TMEM130: variants seen among roughly 807,000 people sequenced by gnomAD.
TMEM130 encodes the protein transmembrane protein 130.
Under a neutral mutation model 42.9 loss-of-function variants are expected in TMEM130, and 37 were observed. The observed-to-expected ratio is 0.86, with a 90% CI of 0.66 to 1.13. The LOEUF (loss-of-function observed/expected upper bound fraction) is 1.13, where lower values mean the gene tolerates loss of function less well. TMEM130 is among the 50% of genes most tolerant of loss of function. TMEM130 has a pLI of 0.00. For synonymous variants in TMEM130, 259 were observed against 237.7 expected (o/e 1.09, Z -0.82); for missense variants, 545 against 562.6 (o/e 0.97, Z 0.32).
intron 1 of TMEM130, among the ~76,000 whole-genome samples, chr7:98,864,617 G>A (rs1408181996): frequency 1.4e-4 from 21 of 152,018 alleles, no homozygotes; most frequent in African/African-American, 4.6e-4. Flanking sequence ...TCCAGCTGTT[G>A]GCCAGGCATC....
intron 6 of TMEM130, among the ~76,000 whole-genome samples, chr7:98,849,904 G>A (rs1794447607): frequency 6.6e-6 from 1 of 151,872 alleles, no homozygotes; most frequent in Admixed American, 6.6e-5. Context: ...CTTCTCTGGG[G>A]CTCCCAGAGT....
chr7:98,867,288 C>T (rs1794931293), intron 1 of TMEM130, among the ~76,000 whole-genome samples: 1 of 152,090 alleles, frequency 6.6e-6, no homozygotes, highest in African/African-American at 2.4e-5. Context: ...CTGAAGCCCG[C>T]ATGGGTCACT....
At position 98,863,193 on chromosome 7, in the gene TMEM130, T is replaced by C. The variant is rs1554400104; in HGVS notation, c.293A>G (p.His98Arg). The change falls in exon 2 of 8, where the codon CAC becomes CGC. Residue 98 changes from histidine (H) to arginine (R), a missense_variant. Physicochemically the swap from His to Arg is conservative, Grantham distance 29 (BLOSUM62 0). Transcript: ENST00000339375. ...GLSSTIRVVG[H>R]VPGEFPVSVW... ...AGAGACCGGGAATTCCCCGGGCACG[T>C]GGCCGACCACACGGATGGTGGAGCT... 6 of 1,614,136 alleles carry C rather than the reference T, an allele frequency of 3.7e-6. No homozygotes were observed. The highest frequency in any genetic ancestry group is 4.2e-6 in the Non-Finnish European group (5 of 1,180,034).
chr7:98,867,323 A>G (rs1794931565), intron 1 of TMEM130, among the ~76,000 whole-genome samples: 1 of 152,028 alleles, frequency 6.6e-6, no homozygotes, highest in Non-Finnish European at 1.5e-5. Flanking sequence ...CCACCCAACC[A>G]GTCTGTACTA....
chr7:98,866,995 G>C (rs1237097399), intron 1 of TMEM130: 4 of 152,132 alleles, frequency 2.6e-5, no homozygotes, highest in Non-Finnish European at 5.9e-5. Flanking sequence ...TACTTGGAAG[G>C]CTGAGGCAGG....
chr7:98,850,531 G>A (rs1794475469), intron 6 of TMEM130, among the ~76,000 whole-genome samples: 2 of 151,110 alleles, frequency 1.3e-5, no homozygotes, highest in South Asian at 2.1e-4. Context: ...CACCCACCTC[G>A]GCCTCTCAAA....
chr7:98,861,494 C>G (rs931654511), intron 2 of TMEM130, among the ~76,000 whole-genome samples: 4 of 152,138 alleles, frequency 2.6e-5, no homozygotes, highest in Non-Finnish European at 5.9e-5. Context: ...GTGGGCAGAT[C>G]ACTTGAGGCC....
chr7:98,853,108 G>T (rs977378291), intron 5 of TMEM130, among the ~76,000 whole-genome samples: 105 of 152,130 alleles, frequency 6.9e-4, no homozygotes, highest in African/African-American at 2.4e-3. Context: ...ACAACACTAG[G>T]TCCGCAGGAA....
intron 2 of TMEM130, among the ~76,000 whole-genome samples, chr7:98,861,375 C>G (rs1794767646): frequency 6.6e-6 from 1 of 151,874 alleles, no homozygotes; most frequent in South Asian, 2.1e-4. Flanking sequence ...CCACTGATCA[C>G]AGCTTCACAC....
At chr7:98,857,930 C>T (rs62471982) in intron 3 of TMEM130, among the ~76,000 whole-genome samples, 107,242 of 151,442 alleles carry the variant, frequency 0.71, 42,541 homozygotes, top group South Asian at 0.88. Context: ...TTAGTACAGA[C>T]GGGGTTTTGC....
At chr7:98,850,273 A>ATATATATTTTT in intron 6 of TMEM130, among the ~76,000 whole-genome samples, 11 of 35,436 alleles carry the variant, frequency 3.1e-4, no homozygotes, top group Admixed American at 8.6e-4. Context: ...ATATATATAT[A>ATATATATTTTT]TTTTTTTTTT....
At chr7:98,850,273 A>ATATATATATATTT in intron 6 of TMEM130, among the ~76,000 whole-genome samples, 6 of 35,394 alleles carry the variant, frequency 1.7e-4, no homozygotes, top group Non-Finnish European at 3.2e-4. Context: ...ATATATATAT[A>ATATATATATATTT]TTTTTTTTTT....
intron 2 of TMEM130, 98 bp from the exon 3 acceptor site, chr7:98,860,436 C>T: frequency 8.1e-7 from 1 of 1,233,610 alleles, no homozygotes; most frequent in Non-Finnish European, 1.1e-6. Flanking sequence ...CCACCACTTC[C>T]CTGCCCGGAC....
rs782536818 is a variant in TMEM130 at position 98,863,313 on chromosome 7, T to C, written c.173A>G (p.Asn58Ser). 6.8e-6 allele frequency: 11 copies of C among 1,612,782 alleles called. No individual in the cohort carries two copies. The Admixed American group carries it at 1.5e-4, about 22-fold the overall frequency. Reference protein sequence around the residue: ...TISASLVAKDNGSLALPADAH... With the variant: ...TISASLVAKDSGSLALPADAH... ...GTCAGCGGGCAGGGCCAGGCTGCCG[T>C]TGTCCTTGGCCACCAGGCTGGCCGA... Residue 58 changes from asparagine to serine, a missense_variant, in exon 2 of 8, where the codon AAC (asparagine) becomes AGC (serine). Transcript: ENST00000339375.
rs370506746 is a variant in TMEM130, at chr7:98,863,877, CCT to C, written c.86-479_86-478del. On this transcript the variant is annotated intron_variant, in intron 1 of 7. Transcript: ENST00000339375. ...TTCCTTCTTTCTTTCTTCCTTTCTT[CCT>C]CTCTCTCTCTCTCTCACTCTCTCTC... 1.7e-3 allele frequency among the ~76,000 whole-genome samples: 242 copies of C among 142,938 alleles called. 1 individual carries two copies. The highest frequency in any genetic ancestry group is 5.0e-3 in the African/African-American group (193 of 38,736). 93.8% of individuals were successfully genotyped at this position (142,938 alleles called of 152,430 possible). A position where few individuals can be genotyped will look rare whatever the true frequency, so the allele number is the denominator to read the frequency against.
intron 6 of TMEM130, among the ~76,000 whole-genome samples, chr7:98,850,250 C>T (rs1794457293): frequency 1.6e-5 from 1 of 64,336 alleles, no homozygotes; most frequent in Non-Finnish European, 3.4e-5. Context: ...CTGTCTCTCT[C>T]ATATATATAT....
intron 6 of TMEM130, 21 bp from the exon 7 acceptor site, chr7:98,848,716 A>G: frequency 6.7e-7 from 1 of 1,501,054 alleles, no homozygotes; most frequent in Non-Finnish European, 9.3e-7. Flanking sequence ...AAGAAGTAAC[A>G]TTACAGGACT....
rs906713418 is a variant in TMEM130, at chr7:98,847,825, G to A, written c.*231C>T. 4.1e-5 allele frequency: 17 copies of A among 412,614 alleles called. No individual in the cohort carries two copies. Among genetic ancestry groups the A allele is most frequent in the African/African-American group, 8.1e-5 (4 of 49,220 alleles). The allele number at this position is 412,614 out of a possible 1,614,324, so 25.6% of individuals were successfully genotyped here. Reference sequence around the variant, plus strand: ...GTAGGGGGTCAAGGGGGTGGTAACCGAGTGGGGCTTATGTCAGTGGCTGGA... The same window carrying A: ...GTAGGGGGTCAAGGGGGTGGTAACCAAGTGGGGCTTATGTCAGTGGCTGGA... On this transcript the variant is annotated 3_prime_UTR_variant, in exon 8 of 8. Transcript: ENST00000339375.
chr7:98,863,330 G>T lies in TMEM130; in HGVS notation c.156C>A (p.Ser52Arg). ...TTGAVVTISASLVAKDNGSLA... is the reference protein window; with the variant it reads ...TTGAVVTISARLVAKDNGSLA... ...GGCTGCCGTTGTCCTTGGCCACCAG[G>T]CTGGCCGAGATGGTCACCACCGCTC... Residue 52 changes from serine to arginine, a missense_variant, in exon 2 of 8, where the codon AGC (serine) becomes AGA (arginine). By Grantham distance (110) the Ser-to-Arg change is moderately radical. Coordinates refer to ENST00000339375, the MANE Select transcript of TMEM130 (RefSeq NM_152913.3). 1 of 1,611,618 alleles carries T rather than the reference G, an allele frequency of 6.2e-7. No homozygotes were observed.
Sources: gnomAD v4.1 joint callset for allele counts (sites outside exome capture counted in the v4.1 genomes callset) on GRCh38, gnomAD v4.1.1 for gene constraint, MANE v1.5 for transcripts, NCBI Gene and HGNC (gene_info 2026-07-23, HGNC 2026-07-21) for gene names.